Variants in CCSER1 observed in about 807,000 individuals in gnomAD.
The protein encoded by CCSER1 is coiled-coil serine rich protein 1, also known as serine-rich coiled-coil domain-containing protein 1.
A neutral mutation model predicts 82.0 loss-of-function variants in CCSER1; 41 were observed. The ratio of observed to expected loss-of-function variants is 0.50; its 90% confidence interval spans 0.39 to 0.65. CCSER1 has a LOEUF of 0.65. CCSER1 is among the 30% of genes least tolerant of loss of function. The probability of loss-of-function intolerance (pLI) is 0.00; values close to 1 mark genes in which losing one functional copy is unlikely to be tolerated. For missense variants in CCSER1, 1,119 were observed against 1,064.2 expected (o/e 1.05, Z -0.72); for synonymous variants, 414 against 383.9 (o/e 1.08, Z -0.92).
At position 90,271,860 on chromosome 4, in the gene CCSER1, A is replaced by ATG. The variant is rs1272251694; in HGVS notation, c.-41-36383_-41-36382insGT. Among the ~76,000 whole-genome samples the ATG allele has an allele frequency of 1.3e-3, 28 of 22,238 alleles. No individual in the cohort carries two copies. In the South Asian group the frequency reaches 0.025, roughly 20 times the overall value. 14.6% of individuals were successfully genotyped at this position (22,238 alleles called of 152,430 possible). A position where few individuals can be genotyped will look rare whatever the true frequency, so the allele number is the denominator to read the frequency against. ...TATATATATATATATATATATATAT[A>ATG]TATTTTTTTTTTTTTTTTTTTTTTT... On this transcript the variant is annotated intron_variant, in intron 1 of 10. Coordinates refer to ENST00000509176, the MANE Select transcript of CCSER1 (RefSeq NM_001145065.2).
chr4:90,483,758 GC>G (rs1188752217), intron 5 of CCSER1, among the ~76,000 whole-genome samples: 1 of 152,180 alleles, frequency 6.6e-6, no homozygotes, highest in Non-Finnish European at 1.5e-5. Flanking sequence ...AGTGTGATGG[GC>G]TTCCCTTTGT....
At chr4:90,414,060 T>C (rs1755434276) in intron 4 of CCSER1, among the ~76,000 whole-genome samples, 1 of 142,712 alleles carries the variant, frequency 7.0e-6, no homozygotes, top group South Asian at 2.2e-4. Context: ...AAATAAAATA[T>C]GTTTTATAGT....
rs533915797 is a variant in CCSER1 at position 91,014,340 on chromosome 4, A to C, written c.2173-71610A>C. Among the ~76,000 whole-genome samples, 69 of 134,826 alleles carry C rather than the reference A, an allele frequency of 5.1e-4. 14 individuals are homozygous for C. The South Asian group carries it at 7.8e-3, about 15-fold the overall frequency. 88.5% of individuals were successfully genotyped at this position (134,826 alleles called of 152,430 possible). A position where few individuals can be genotyped will look rare whatever the true frequency, so the allele number is the denominator to read the frequency against. On this transcript the variant is annotated intron_variant, in intron 9 of 10. Coordinates refer to ENST00000509176, the MANE Select transcript of CCSER1 (RefSeq NM_001145065.2). The stretch of plus-strand genomic sequence containing the variant: ...GACCAATTCTGATTGGTTTGTTAAA[A>C]GCCTAAGGGCCATCAGCTTTTTATC...
intron 9 of CCSER1, among the ~76,000 whole-genome samples, chr4:91,055,520 A>T (rs1743366474): frequency 6.6e-6 from 1 of 152,154 alleles, no homozygotes; most frequent in South Asian, 2.1e-4. Flanking sequence ...AAATAAGCTT[A>T]TTGAGTATCT....
intron 10 of CCSER1, among the ~76,000 whole-genome samples, chr4:91,260,458 G>A (rs982514592): frequency 3.9e-5 from 6 of 152,182 alleles, no homozygotes; most frequent in African/African-American, 1.4e-4. Flanking sequence ...CCTGTAAGGG[G>A]AGAAATGTTA....
At chr4:91,413,548 G>A (rs1051450292) in intron 10 of CCSER1, among the ~76,000 whole-genome samples, 1 of 151,614 alleles carries the variant, frequency 6.6e-6, no homozygotes, top group African/African-American at 2.4e-5. Context: ...ACAAGCATAA[G>A]GGACCTATGG....
intron 10 of CCSER1, among the ~76,000 whole-genome samples, chr4:91,364,152 A>G (rs1749449284): frequency 6.6e-6 from 1 of 152,090 alleles, no homozygotes; most frequent in Non-Finnish European, 1.5e-5. Flanking sequence ...TAAGTCTTTA[A>G]ATAATTATAC....
chr4:90,302,005 G>A (rs1328170997), intron 1 of CCSER1, among the ~76,000 whole-genome samples: 1 of 151,946 alleles, frequency 6.6e-6, no homozygotes, highest in Non-Finnish European at 1.5e-5. Flanking sequence ...TTTACAGTTT[G>A]GAAGACTTTT....
At chr4:90,829,053 A>G (rs1760819296) in intron 8 of CCSER1, among the ~76,000 whole-genome samples, 1 of 152,136 alleles carries the variant, frequency 6.6e-6, no homozygotes, top group Admixed American at 6.6e-5. Context: ...CAAGAAAATA[A>G]GTGGAGGAAA....
At chr4:90,886,354 A>G (rs1722119380) in intron 8 of CCSER1, among the ~76,000 whole-genome samples, 1 of 151,996 alleles carries the variant, frequency 6.6e-6, no homozygotes, top group South Asian at 2.1e-4. Context: ...TTTTCTTATC[A>G]TGGAAAAAAA....
At chr4:90,650,651 C>T (rs912206368) in intron 6 of CCSER1, among the ~76,000 whole-genome samples, 1 of 152,122 alleles carries the variant, frequency 6.6e-6, no homozygotes, top group African/African-American at 2.4e-5. Context: ...AATAGTGCTT[C>T]TTGGTATCAA....
chr4:90,618,252 G>T (rs1721666600), intron 5 of CCSER1, among the ~76,000 whole-genome samples: 1 of 151,834 alleles, frequency 6.6e-6, no homozygotes, highest in Non-Finnish European at 1.5e-5. Flanking sequence ...AGCCACTATG[G>T]ATTATGCCAA....
chr4:90,766,367 T>A (rs1454330748), intron 7 of CCSER1, among the ~76,000 whole-genome samples: 2 of 152,178 alleles, frequency 1.3e-5, no homozygotes, highest in Non-Finnish European at 2.9e-5. Flanking sequence ...GCCTACTAAG[T>A]AACACCAGGT....
chr4:90,508,010 T>A (rs1271126367), intron 5 of CCSER1, among the ~76,000 whole-genome samples: 1 of 152,064 alleles, frequency 6.6e-6, no homozygotes, highest in Non-Finnish European at 1.5e-5. Context: ...ACCGATAATG[T>A]AGTGTGCTTA....
chr4:90,360,663 T>C (rs1214101145), intron 3 of CCSER1, among the ~76,000 whole-genome samples: 2 of 151,870 alleles, frequency 1.3e-5, no homozygotes, highest in Non-Finnish European at 2.9e-5. Context: ...CGTTCTTTTA[T>C]GGTCTTTGTC....
intron 10 of CCSER1, among the ~76,000 whole-genome samples, chr4:91,475,351 G>A (rs1757533078): frequency 1.3e-5 from 2 of 151,892 alleles, no homozygotes; most frequent in Admixed American, 6.6e-5. Context: ...AAATTTTAAT[G>A]TGATTTCAGA....
chr4:90,254,264 C>T (rs780922946), intron 1 of CCSER1, among the ~76,000 whole-genome samples: 1 of 152,148 alleles, frequency 6.6e-6, no homozygotes, highest in Non-Finnish European at 1.5e-5. Context: ...TCTGGCTTGC[C>T]TCGTTCTCTG....
At chr4:91,042,579 T>C (rs1742061290) in intron 9 of CCSER1, among the ~76,000 whole-genome samples, 1 of 152,196 alleles carries the variant, frequency 6.6e-6, no homozygotes, top group African/African-American at 2.4e-5. Flanking sequence ...GGTCTTTCAC[T>C]AATATTCAGT....
chr4:90,911,751 G>A (rs568594551), intron 8 of CCSER1, among the ~76,000 whole-genome samples: 5 of 152,270 alleles, frequency 3.3e-5, no homozygotes, highest in African/African-American at 1.2e-4. Context: ...GGTGACAGAC[G>A]GCACCTGGAA....
Sources: allele counts gnomAD v4.1 joint callset (sites outside exome capture counted in the v4.1 genomes callset), GRCh38; gene constraint gnomAD v4.1.1; transcripts MANE v1.5; gene names NCBI Gene and HGNC (gene_info 2026-07-23, HGNC 2026-07-21).